The following SETD3 variants were observed in gnomAD, a reference collection of about 807,000 sequenced individuals.
SETD3 encodes the protein SET domain containing 3, actin N3(tau)-histidine methyltransferase.
A neutral mutation model predicts 63.0 loss-of-function variants in SETD3; 19 were observed. That is an observed-to-expected ratio of 0.30 (90% CI 0.21 to 0.44). The LOEUF (loss-of-function observed/expected upper bound fraction) is 0.44, where lower values mean the gene tolerates loss of function less well. Among genes scored for constraint, SETD3 ranks in the 20% least tolerant of loss-of-function variants. SETD3 has a pLI of 1.00. For missense variants in SETD3, 587 were observed against 728.5 expected, an observed-to-expected ratio of 0.81 and a Z score of 2.24; for synonymous variants, 286 against 264.1, an observed-to-expected ratio of 1.08 and a Z score of -0.80.
Position 99,429,704 on chromosome 14 carries a change from A to T in SETD3, c.676-15770T>A, listed in dbSNP as rs141002773. 2.3e-3 allele frequency among the ~76,000 whole-genome samples: 346 copies of T among 152,338 alleles called. 2 individuals carry two copies. Among genetic ancestry groups the T allele is most frequent in the African/African-American group, 7.9e-3 (329 of 41,586 alleles). On this transcript the variant is annotated intron_variant, in intron 6 of 12. Transcript: ENST00000331768. ...AACATGTGCTCTGTACTCCAGACAG[A>T]CACTGGCTAGTTAAAACGTGAGGAA...
At chr14:99,477,515 G>A (rs903292234) in intron 1 of SETD3, among the ~76,000 whole-genome samples, 14 of 151,976 alleles carry the variant, frequency 9.2e-5, no homozygotes, top group Non-Finnish European at 1.8e-4. Context: ...AGCACTTTGG[G>A]AGGCTGAGGT....
At position 99,455,140 on chromosome 14, in the gene SETD3, C is replaced by T. The variant is rs575372011; in HGVS notation, c.675+3139G>A. ...ATGTGCTCTTTCCACGCAGCCACAG[C>T]GCCTCTCACTTGGACAGTGGATACA... On this transcript the variant is annotated intron_variant, in intron 6 of 12. Coordinates refer to ENST00000331768, the MANE Select transcript of SETD3 (RefSeq NM_032233.3). Among the ~76,000 whole-genome samples, 39 of 152,358 alleles carry T rather than the reference C, an allele frequency of 2.6e-4. No individual in the cohort carries two copies. The South Asian group carries it at 7.5e-3, about 29-fold the overall frequency.
chr14:99,431,340 C>A (rs1248549065), intron 6 of SETD3, among the ~76,000 whole-genome samples: 3 of 152,222 alleles, frequency 2.0e-5, no homozygotes, highest in Admixed American at 1.3e-4. Context: ...TGACCTGCCA[C>A]CCCTTTGTGA....
chr14:99,474,887 T>C (rs559471535), intron 1 of SETD3, among the ~76,000 whole-genome samples: 1 of 152,128 alleles, frequency 6.6e-6, no homozygotes, highest in South Asian at 2.1e-4. Context: ...TTTTTTTTTT[T>C]GCTATTTTTC....
chr14:99,444,783 C>T (rs1236018706), intron 6 of SETD3, among the ~76,000 whole-genome samples: 2 of 150,368 alleles, frequency 1.3e-5, no homozygotes, highest in Admixed American at 6.6e-5. Context: ...TGCAGTGAGC[C>T]GTGATTGAGC....
intron 2 of SETD3, among the ~76,000 whole-genome samples, chr14:99,464,916 G>C (rs1895281059): frequency 6.6e-6 from 1 of 152,308 alleles, no homozygotes; most frequent in African/African-American, 2.4e-5. Context: ...GCAGAGGTGG[G>C]AGGATCTCTC....
intron 4 of SETD3, among the ~76,000 whole-genome samples, 158 bp downstream of exon 4, chr14:99,461,034 T>C (rs1040305067): frequency 1.2e-4 from 18 of 152,130 alleles, no homozygotes; most frequent in African/African-American, 4.3e-4. Context: ...AGGAGCTGCT[T>C]AGAACATGAG....
chr14:99,406,585 A>G lies in SETD3; in HGVS notation c.855T>C (p.Thr285=), dbSNP rs1308532180. Residue 285 remains threonine (T), a synonymous_variant, in exon 9 of 13, where the codon ACT becomes ACC. Transcript: ENST00000331768. ...GGTCATCTTCCAGGTTGTAACCAGTAGTGATCTAGCCCGGGGAGGAGGAAG... is the reference window on the plus strand; with the variant it reads ...GGTCATCTTCCAGGTTGTAACCAGTGGTGATCTAGCCCGGGGAGGAGGAAG... The part of the protein sequence containing the change: ...DMCNHTNGLI[T]TGYNLEDDRC... The G allele has an allele frequency of 6.2e-7, 1 of 1,614,182 alleles. No individual in the cohort carries two copies. The highest frequency in any genetic ancestry group is 8.5e-7 in the Non-Finnish European group (1 of 1,180,014).
chr14:99,429,781 C>T (rs1218404510), intron 6 of SETD3, among the ~76,000 whole-genome samples: 1 of 152,176 alleles, frequency 6.6e-6, no homozygotes, highest in Non-Finnish European at 1.5e-5. Context: ...AATATAGAAA[C>T]CCATCTGAAT....
intron 6 of SETD3, among the ~76,000 whole-genome samples, chr14:99,441,457 T>G (rs1179683379): frequency 6.6e-6 from 1 of 152,154 alleles, no homozygotes; most frequent in Non-Finnish European, 1.5e-5. Context: ...AAGGCCCCAC[T>G]CTTAAAGCTC....
chr14:99,475,800 C>G (rs1392285282), intron 1 of SETD3, among the ~76,000 whole-genome samples: 2 of 152,192 alleles, frequency 1.3e-5, no homozygotes, highest in Admixed American at 6.5e-5. Flanking sequence ...AATTCATTCC[C>G]TCATTCCTGC....
At chr14:99,426,005 T>G (rs896152116) in intron 6 of SETD3, among the ~76,000 whole-genome samples, 1 of 152,188 alleles carries the variant, frequency 6.6e-6, no homozygotes, top group African/African-American at 2.4e-5. Context: ...AATCTTAGAT[T>G]ATTAATCCCT....
intron 6 of SETD3, among the ~76,000 whole-genome samples, chr14:99,434,846 T>TAAAAAAAAAAAAA (rs1566706239): frequency 5.3e-5 from 1 of 18,900 alleles, no homozygotes; most frequent in African/African-American, 3.0e-4. Context: ...AAACTCTGCC[T>TAAAAAAAAAAAAA]CAAAAAAAAA....
At chr14:99,485,673 CTCTT>C (rs1436473796), upstream of SETD3, among the ~76,000 whole-genome samples, 16 of 152,294 alleles carry the variant, frequency 1.1e-4, no homozygotes, top group Non-Finnish European at 2.1e-4. Flanking sequence ...CCCTGTTACT[CTCTT>C]TGAGAACAGA....
At position 99,435,477 on chromosome 14, in the gene SETD3, G is replaced by C. The variant is rs536402579; in HGVS notation, c.676-21543C>G. ...GATTCAACAGAACGGAGCTGAAGCA[G>C]TGCCTTTAACACCCACGAGTGCCCT... On this transcript the variant is annotated intron_variant, in intron 6 of 12. Transcript: ENST00000331768. Among the ~76,000 whole-genome samples the C allele has an allele frequency of 9.4e-4, 143 of 152,296 alleles. 1 individual carries two copies. The highest frequency in any genetic ancestry group is 1.6e-3 in the Admixed American group (24 of 15,298).
chr14:99,443,072 T>C (rs1893923535), intron 6 of SETD3, among the ~76,000 whole-genome samples: 5 of 152,174 alleles, frequency 3.3e-5, no homozygotes, highest in African/African-American at 1.2e-4. Flanking sequence ...ATACCTGTAT[T>C]ACAAGGTTAT....
chr14:99,438,497 A>G (rs1352872247), intron 6 of SETD3, among the ~76,000 whole-genome samples: 3 of 152,240 alleles, frequency 2.0e-5, no homozygotes, highest in African/African-American at 7.2e-5. Context: ...AAGCTTCAAA[A>G]CAGAGAAAGG....
intron 6 of SETD3, among the ~76,000 whole-genome samples, chr14:99,440,397 T>A (rs1046737507): frequency 2.6e-5 from 4 of 152,162 alleles, no homozygotes; most frequent in Non-Finnish European, 5.9e-5. Context: ...AGGCTCGAAC[T>A]GTCGATAATC....
intron 8 of SETD3, among the ~76,000 whole-genome samples, chr14:99,408,572 T>C (rs752490330): frequency 2.0e-5 from 3 of 151,878 alleles, no homozygotes; most frequent in African/African-American, 4.8e-5. Context: ...TTTAGGGAGA[T>C]TGTGGAGAAA....
Sources: gnomAD v4.1 joint callset for allele counts (sites outside exome capture counted in the v4.1 genomes callset) on GRCh38, gnomAD v4.1.1 for gene constraint, MANE v1.5 for transcripts, NCBI Gene and HGNC (gene_info 2026-07-23, HGNC 2026-07-21) for gene names.